The following MYO1E variants were observed in gnomAD, a reference collection of about 807,000 sequenced individuals.
MYO1E encodes the protein unconventional myosin-Ie.
Under a neutral mutation model 151.1 loss-of-function variants are expected in MYO1E, and 68 were observed. That is an observed-to-expected ratio of 0.45 (90% CI 0.37 to 0.55). The LOEUF is 0.55. MYO1E is among the 20% of genes least tolerant of loss of function. The pLI is 0.00. For synonymous variants in MYO1E, 601 were observed against 501.7 expected, an observed-to-expected ratio of 1.20 and a Z score of -2.64; for missense variants, 1,363 against 1,389.3, an observed-to-expected ratio of 0.98 and a Z score of 0.30.
chr15:59,213,056 GTGGTGCTTTGTTA>G (rs2079889528), intron 12 of MYO1E, among the ~76,000 whole-genome samples: 1 of 152,096 alleles, frequency 6.6e-6, no homozygotes, highest in African/African-American at 2.4e-5. Context: ...CACTCAGTTT[GTGGTGCTTTGTTA>G]TGGTGGCCCC....
At chr15:59,231,633 C>G in intron 6 of MYO1E, 69 bp downstream of exon 6, 4 of 1,517,256 alleles carry the variant, frequency 2.6e-6, no homozygotes, top group Non-Finnish European at 3.7e-6. Flanking sequence ...CTGTGGGATA[C>G]TAGACTTCAG....
At chr15:59,353,384 GAAAAGAAAAGAAAA>G (rs1341531427) in intron 1 of MYO1E, among the ~76,000 whole-genome samples, 5 of 138,218 alleles carry the variant, frequency 3.6e-5, no homozygotes, top group South Asian at 2.3e-4. Context: ...GAAAAGAAAA[GAAAAGAAAAGAAAA>G]AAAAGAAAAA....
In MYO1E at chr15:59,208,792, CA is replaced by C; in HGVS notation, c.1418del (p.Val473GlyfsTer70). 1 of 1,614,226 alleles carries C rather than the reference CA, an allele frequency of 6.2e-7. No individual in the cohort carries two copies. The highest frequency in any genetic ancestry group is 8.5e-7 in the Non-Finnish European group (1 of 1,180,038). On this transcript the variant is annotated frameshift_variant, in exon 14 of 28. Coordinates refer to ENST00000288235, the MANE Select transcript of MYO1E (RefSeq NM_004998.4). LOFTEE classifies it high-confidence loss of function. ...LDDVCATMHA[V>X]GEGADQTLLQ... Reference sequence around the variant, plus strand: ...GCAGCGTCTGATCTGCCCCCTCACCCACCGCATGCATCGTGGCGCACACGTC... The same window carrying C: ...GCAGCGTCTGATCTGCCCCCTCACCCCCGCATGCATCGTGGCGCACACGTC...
At chr15:59,224,952 CCCCCAAATATGTACTTGTAGTAG>C in intron 7 of MYO1E, 129 bp from the exon 8 acceptor site, 1 of 1,256,266 alleles carries the variant, frequency 8.0e-7, no homozygotes, top group South Asian at 1.3e-5. Context: ...GCAGTCCTGG[CCCCCAAATATGTACTTGTAGTAG>C]CCCCAGGTCA....
At chr15:59,368,573 G>A (rs894190125) in intron 1 of MYO1E, among the ~76,000 whole-genome samples, 11 of 151,708 alleles carry the variant, frequency 7.3e-5, no homozygotes, top group East Asian at 5.8e-4. Flanking sequence ...GTGGAACCCC[G>A]TCTCCACTAA....
chr15:59,217,439 C>T (rs182618131), intron 10 of MYO1E, among the ~76,000 whole-genome samples: 2 of 142,606 alleles, frequency 1.4e-5, no homozygotes, highest in East Asian at 2.2e-4. Flanking sequence ...TCAGTAATCA[C>T]AGAGTGAGAG....
At chr15:59,346,929 A>C (rs2080797284) in intron 1 of MYO1E, among the ~76,000 whole-genome samples, 1 of 152,114 alleles carries the variant, frequency 6.6e-6, no homozygotes, top group African/African-American at 2.4e-5. Flanking sequence ...AAAAAGAAAA[A>C]AAAAAAAAAG....
In MYO1E at chr15:59,135,066, C is replaced by T. The variant is rs2140296443; in HGVS notation, c.*2314G>A. 1 of 152,280 alleles carries T rather than the reference C, an allele frequency of 6.6e-6. No individual in the cohort carries two copies. The highest frequency in any genetic ancestry group is 3.4e-3 in the Middle Eastern group (1 of 294). 9.4% of individuals were successfully genotyped at this position (152,280 alleles called of 1,614,324 possible). On this transcript the variant is annotated 3_prime_UTR_variant, in exon 28 of 28. Transcript: ENST00000288235. ...ACTTTTCTTAATAGTGTCAGCATTT[C>T]AGCATCTCTACGCAGATCTAAGTCT...
intron 1 of MYO1E, among the ~76,000 whole-genome samples, chr15:59,300,865 T>C (rs1338897956): frequency 2.1e-5 from 3 of 144,444 alleles, no homozygotes; most frequent in South Asian, 2.1e-4. Flanking sequence ...TCCTTTTTTT[T>C]CTTTTTTTTT....
intron 4 of MYO1E, among the ~76,000 whole-genome samples, chr15:59,239,298 C>T (rs2080086133): frequency 6.6e-6 from 1 of 150,790 alleles, no homozygotes; most frequent in Admixed American, 6.6e-5. Flanking sequence ...GGAGGGATCA[C>T]ACCTCACAAT....
intron 18 of MYO1E, among the ~76,000 whole-genome samples, chr15:59,184,875 A>G (rs758836010): frequency 2.6e-5 from 4 of 152,158 alleles, no homozygotes; most frequent in Non-Finnish European, 5.9e-5. Context: ...ACTATTCCCC[A>G]TAGTAGTTAT....
rs375108901 is a variant in MYO1E, at chr15:59,214,737, G to A, written c.1108-17C>T. The stretch of plus-strand genomic sequence containing the variant: ...ATTGATGGACTAGAGAAAGTAAACA[G>A]CATGGCAGTGAACTCCTTTCCATTC... On this transcript the variant is annotated splice_polypyrimidine_tract_variant and intron_variant, in intron 10 of 27. Coordinates refer to ENST00000288235, the MANE Select transcript of MYO1E (RefSeq NM_004998.4). The A allele has an allele frequency of 3.1e-6, 5 of 1,593,498 alleles. No homozygotes were observed. Among genetic ancestry groups the A allele is most frequent in the Admixed American group, 3.3e-5 (2 of 59,976 alleles).
rs398027512 is a variant in MYO1E at position 59,268,720 on chromosome 15, A to ATTTTTTTTTTTTTTTTTTTTTTTTTTT, written c.147+3585_147+3586insAAAAAAAAAAAAAAAAAAAAAAAAAAA. On this transcript the variant is annotated intron_variant, in intron 2 of 27. Transcript: ENST00000288235. ...GTGATGGGTTCTGGGTGACTTTGGT[A>ATTTTTTTTTTTTTTTTTTTTTTTTTTT]TTTTTTTTTTTTTTTTTTTTTGCTT... 8.5e-3 allele frequency among the ~76,000 whole-genome samples: 380 copies of ATTTTTTTTTTTTTTTTTTTTTTTTTTT among 44,894 alleles called. 142 individuals are homozygous for ATTTTTTTTTTTTTTTTTTTTTTTTTTT. Among genetic ancestry groups the ATTTTTTTTTTTTTTTTTTTTTTTTTTT allele is most frequent in the Middle Eastern group, 0.019 (1 of 54 alleles). The allele number at this position is 44,894 out of a possible 152,430, so 29.5% of individuals were successfully genotyped here.
At chr15:59,306,287 T>C (rs574157710) in intron 1 of MYO1E, among the ~76,000 whole-genome samples, 1 of 152,392 alleles carries the variant, frequency 6.6e-6, no homozygotes, top group South Asian at 2.1e-4. Context: ...CTGTGCTCAC[T>C]AATTGTTTTA....
chr15:59,342,849 G>A (rs1411108827), intron 1 of MYO1E, among the ~76,000 whole-genome samples: 2 of 152,100 alleles, frequency 1.3e-5, no homozygotes, highest in African/African-American at 4.8e-5. Context: ...ATTTTAAACT[G>A]ATCACAACTT....
chr15:59,178,279 C>T (rs527539360), intron 19 of MYO1E, 114 bp downstream of exon 19: 8 of 1,351,830 alleles, frequency 5.9e-6, no homozygotes, highest in African/African-American at 1.4e-5. Context: ...TTTGAGGAGA[C>T]AACATTGATG....
At chr15:59,295,466 G>A (rs1415815538) in intron 1 of MYO1E, among the ~76,000 whole-genome samples, 1 of 152,182 alleles carries the variant, frequency 6.6e-6, no homozygotes, top group Admixed American at 6.5e-5. Flanking sequence ...AGGCAAGGCT[G>A]AGTACTTGGC....
intron 1 of MYO1E, among the ~76,000 whole-genome samples, chr15:59,279,823 T>G (rs2080342727): frequency 6.6e-6 from 1 of 152,212 alleles, no homozygotes. Flanking sequence ...TTGTTTTGAT[T>G]GAACGTATGA....
intron 1 of MYO1E, among the ~76,000 whole-genome samples, chr15:59,297,639 T>A (rs1454530873): frequency 1.3e-5 from 2 of 151,898 alleles, no homozygotes; most frequent in East Asian, 3.9e-4. Flanking sequence ...TGGAGTACAG[T>A]GGTGCGATGA....
Sources: gnomAD v4.1 joint callset for allele counts (sites outside exome capture counted in the v4.1 genomes callset) on GRCh38, gnomAD v4.1.1 for gene constraint, MANE v1.5 for transcripts, NCBI Gene and HGNC (gene_info 2026-07-23, HGNC 2026-07-21) for gene names.